TRMO: variants seen among roughly 807,000 people sequenced by gnomAD.
The protein encoded by TRMO is tRNA (adenine(37)-N6)-methyltransferase.
In TRMO, 30 loss-of-function variants were observed where a neutral mutation model predicts 37.2. The ratio of observed to expected loss-of-function variants is 0.81; its 90% CI spans 0.60 to 1.09. The LOEUF (loss-of-function observed/expected upper bound fraction) is 1.09, where lower values mean the gene tolerates loss of function less well. Among genes scored for constraint, TRMO ranks in the 50% least tolerant of loss-of-function variants. The probability of loss-of-function intolerance (pLI) is 0.00; values close to 1 mark genes in which losing one functional copy is unlikely to be tolerated. For synonymous variants in TRMO, 239 were observed against 199.4 expected (o/e 1.20, Z -1.67); for missense variants, 552 against 549.5 (o/e 1.00, Z -0.05).
intron 4 of TRMO, 115 bp downstream of exon 4, chr9:97,909,845 T>G: frequency 1.3e-6 from 1 of 747,008 alleles, no homozygotes; most frequent in Non-Finnish European, 2.2e-6. Context: ...ACCTGTTTCC[T>G]AAAAACCAGT....
chr9:97,916,318 C>A lies in TRMO; in HGVS notation c.97G>T (p.Val33Phe), dbSNP rs1251939415. 9.3e-6 allele frequency: 15 copies of A among 1,612,574 alleles called. No individual in the cohort carries two copies. The highest frequency in any genetic ancestry group is 1.3e-5 in the Non-Finnish European group (15 of 1,179,406). Residue 33 changes from valine to phenylalanine, a missense_variant, in exon 2 of 5, where the codon GTC becomes TTC. Val to Phe is a conservative substitution (Grantham distance 50, BLOSUM62 -1). Coordinates refer to ENST00000375119, the MANE Select transcript of TRMO (RefSeq NM_016481.5). ...GAGAAACAAGATTCCAAGTAGCCGA[C>A]TGGCTCAGTTAAAAGATTCCCTACA... ...LETGNLLTEP[V>F]GYLESCFSAK...
At chr9:97,897,232 T>C in the TRMO span, among the ~76,000 whole-genome samples, 3 of 152,240 alleles carry the variant, frequency 2.0e-5, no homozygotes, top group African/African-American at 7.2e-5. Context: ...CCTTTCTGTA[T>C]GTAATAACCT....
At chr9:97,918,568 G>T (rs1826477810) in intron 1 of TRMO, among the ~76,000 whole-genome samples, 1 of 152,012 alleles carries the variant, frequency 6.6e-6, no homozygotes, top group Non-Finnish European at 1.5e-5. Context: ...ATGATATAAA[G>T]ACACTTCAGA....
chr9:97,920,670 G>GT (rs569168998), intron 1 of TRMO, among the ~76,000 whole-genome samples: 1 of 152,174 alleles, frequency 6.6e-6, no homozygotes, highest in African/African-American at 2.4e-5. Flanking sequence ...TCAATGTGGG[G>GT]TTTTTTGTGT....
At chr9:97,903,236 C>G (rs1221336531), downstream of TRMO, among the ~76,000 whole-genome samples, 1 of 152,012 alleles carries the variant, frequency 6.6e-6, no homozygotes, top group African/African-American at 2.4e-5. Flanking sequence ...CTACTGCACT[C>G]CAGCCTGGGC....
chr9:97,918,724 A>C (rs1347803606), intron 1 of TRMO, among the ~76,000 whole-genome samples: 1 of 152,188 alleles, frequency 6.6e-6, no homozygotes, highest in Non-Finnish European at 1.5e-5. Context: ...TGCAACATAC[A>C]TGTAAGTTAT....
chr9:97,922,278 G>A, intron 1 of TRMO, 140 bp downstream of exon 1: 1 of 641,930 alleles, frequency 1.6e-6, no homozygotes, highest in Middle Eastern at 2.5e-4. Flanking sequence ...TCCGCAGCAC[G>A]TGACCCGTGC....
chr9:97,917,819 T>C (rs934985502), intron 1 of TRMO, among the ~76,000 whole-genome samples: 1 of 150,424 alleles, frequency 6.6e-6, no homozygotes, highest in African/African-American at 2.4e-5. Context: ...GCTGGGATTA[T>C]AGGCACGCAC....
intron 3 of TRMO, chr9:97,911,501 T>C (rs1242731719): frequency 6.6e-6 from 1 of 152,198 alleles, no homozygotes; most frequent in Non-Finnish European, 1.5e-5. Context: ...TAAGAACTCA[T>C]ATCAGCTGAC....
downstream of TRMO, among the ~76,000 whole-genome samples, chr9:97,900,533 G>T (rs116599471): frequency 5.4e-3 from 826 of 152,302 alleles, 10 homozygotes; most frequent in African/African-American, 0.019. Flanking sequence ...GAATCATATG[G>T]AACTGCTGAC....
intron 2 of TRMO, 26 bp downstream of exon 2, chr9:97,916,138 C>T (rs181371281): frequency 4.6e-4 from 716 of 1,553,164 alleles, no homozygotes; most frequent in Admixed American, 1.3e-3. Context: ...GCCCAAAATC[C>T]TACATCTAAC....
chr9:97,920,918 CAA>C (rs1826597068), intron 1 of TRMO, among the ~76,000 whole-genome samples: 3 of 152,200 alleles, frequency 2.0e-5, no homozygotes, highest in Admixed American at 1.3e-4. Context: ...GCCTGGTACT[CAA>C]GTTTCTTCAC....
chr9:97,903,043 G>A (rs931162990), downstream of TRMO, among the ~76,000 whole-genome samples: 26 of 152,142 alleles, frequency 1.7e-4, no homozygotes, highest in African/African-American at 6.3e-4. Flanking sequence ...GAGGAGGGAG[G>A]GTTGCTTGGT....
chr9:97,912,780 G>C (rs1238332373), intron 3 of TRMO: 2 of 466,270 alleles, frequency 4.3e-6, no homozygotes, highest in East Asian at 7.5e-5. Flanking sequence ...TATAACAAAT[G>C]CATCTGTTAG....
chr9:97,913,178 A>G lies in TRMO; in HGVS notation c.409+223T>C, dbSNP rs868241813. On this transcript the variant is annotated intron_variant, in intron 3 of 4. Transcript: ENST00000375119. ...TCTAAATAATTTAATAGTTTTGGAT[A>G]TATGCAATAATATAAACAAGCTCTG... The G allele has an allele frequency of 5.5e-5, 28 of 511,096 alleles. 2 individuals are homozygous for G. The Middle Eastern group carries it at 6.5e-3, about 119-fold the overall frequency. 31.7% of individuals were successfully genotyped at this position (511,096 alleles called of 1,614,324 possible).
At chr9:97,901,303 C>T (rs1332273672), downstream of TRMO, among the ~76,000 whole-genome samples, 1 of 152,224 alleles carries the variant, frequency 6.6e-6, no homozygotes, top group Non-Finnish European at 1.5e-5. Flanking sequence ...CACAACTTTG[C>T]TTGTTGACAC....
intron 3 of TRMO, 157 bp downstream of exon 3, chr9:97,913,244 A>G (rs922658008): frequency 8.9e-6 from 5 of 562,678 alleles, no homozygotes; most frequent in South Asian, 3.6e-5. Flanking sequence ...CAATGCTAAC[A>G]TTCTTTTAAT....
Position 97,916,313 on chromosome 9 carries a change from G to C in TRMO, c.102C>G (p.Gly34=), listed in dbSNP as rs1440339290. The part of the protein sequence containing the change: ...ETGNLLTEPV[G]YLESCFSAKN... The stretch of plus-strand genomic sequence containing the variant: ...TGGCCGAGAAACAAGATTCCAAGTA[G>C]CCGACTGGCTCAGTTAAAAGATTCC... Residue 34 remains glycine, a synonymous_variant, in exon 2 of 5, where the codon GGC becomes GGG. Transcript: ENST00000375119. 6 of 1,613,032 alleles carry C rather than the reference G, an allele frequency of 3.7e-6. No homozygotes were observed. The highest frequency in any genetic ancestry group is 1.1e-5 in the South Asian group (1 of 90,804).
In TRMO at chr9:97,904,707, T is replaced by C. The variant is rs942346852; in HGVS notation, c.*26A>G. The C allele has an allele frequency of 1.9e-6, 3 of 1,605,924 alleles. No homozygotes were observed. Among genetic ancestry groups the C allele is most frequent in the Admixed American group, 3.4e-5 (2 of 59,010 alleles). On this transcript the variant is annotated 3_prime_UTR_variant, in exon 5 of 5. Coordinates refer to ENST00000375119, the MANE Select transcript of TRMO (RefSeq NM_016481.5). ...AGCCACATCCAAAGATCAATGATGC[T>C]ACCTTAAAGACATGAGGGAGGCTCC...
Sources: allele counts gnomAD v4.1 joint callset (sites outside exome capture counted in the v4.1 genomes callset), GRCh38; gene constraint gnomAD v4.1.1; transcripts MANE v1.5; gene names NCBI Gene and HGNC (gene_info 2026-07-23, HGNC 2026-07-21).